The following CCDC146 variants were observed in gnomAD, a reference collection of about 807,000 sequenced individuals.
CCDC146 encodes the protein coiled-coil domain containing 146.
In CCDC146, 92 loss-of-function variants were observed where a neutral mutation model predicts 119.3. The observed-to-expected ratio is 0.77, with a 90% CI of 0.65 to 0.92. CCDC146 has a LOEUF of 0.92. Ranked by LOEUF, CCDC146 falls within the 40% of genes least tolerant of loss-of-function variation. CCDC146 has a pLI of 0.00. For synonymous variants in CCDC146, 372 were observed against 371.8 expected (o/e 1.00, Z -0.01); for missense variants, 1,000 against 1,103.0 (o/e 0.91, Z 1.32).
intron 17 of CCDC146, among the ~76,000 whole-genome samples, chr7:77,292,616 CAAA>C (rs61250624): frequency 0.24 from 21,204 of 89,874 alleles, 2,610 homozygotes; most frequent in African/African-American, 0.45. Flanking sequence ...GACTCAGTCT[CAAA>C]AAAAAAAAAA....
At chr7:77,216,849 CAT>C (rs1214044035) in intron 2 of CCDC146, among the ~76,000 whole-genome samples, 1 of 152,162 alleles carries the variant, frequency 6.6e-6, no homozygotes, top group Admixed American at 6.5e-5. Context: ...CCAAGGATAA[CAT>C]ATGCAGATAA....
At chr7:77,267,484 C>G (rs1039482032) in intron 9 of CCDC146, among the ~76,000 whole-genome samples, 3 of 151,544 alleles carry the variant, frequency 2.0e-5, no homozygotes, top group Admixed American at 6.6e-5. Context: ...AAGTAACATG[C>G]TTATGATGCT....
At chr7:77,289,095 G>A (rs947589012) in intron 17 of CCDC146, among the ~76,000 whole-genome samples, 1 of 143,416 alleles carries the variant, frequency 7.0e-6, no homozygotes, top group Non-Finnish European at 1.5e-5. Context: ...TGAGTCACAC[G>A]TCTGCCACTG....
rs569344238 is a variant in CCDC146, at chr7:77,196,568, C to T, written c.156+28744C>T. The T allele has an allele frequency of 1.2e-5, 20 of 1,614,116 alleles. No individual in the cohort carries two copies. The highest frequency in any genetic ancestry group is 3.3e-4 in the Middle Eastern group (2 of 6,062). ...ATCGTGGTTGTAATGTTTGTTGAAA[C>T]GTAATGCATCTCCAGCTGTGCCATT... On this transcript the variant is annotated intron_variant, in intron 2 of 18. Transcript: ENST00000285871. This position sits in a 1 kb window ranked among gnomAD's most constrained non-coding sequence, Gnocchi z 4.2.
Position 77,280,555 on chromosome 7 carries a change from T to C in CCDC146, c.1821T>C (p.Asn607=), listed in dbSNP as rs776451954. 11 of 1,613,926 alleles carry C rather than the reference T, an allele frequency of 6.8e-6. No homozygotes were observed. The Admixed American group carries it at 1.8e-4, about 27-fold the overall frequency. ...AAGAAAAGAAGGAAGCCCAGTTAAA[T>C]AACATTGACAGACTTGCCAACACGA... ...EMKEKKEAQL[N]NIDRLANTIT... Residue 607 remains asparagine (N), a synonymous_variant, in exon 14 of 19, where the codon AAT becomes AAC. Coordinates refer to ENST00000285871, the MANE Select transcript of CCDC146 (RefSeq NM_020879.3).
intron 3 of CCDC146, among the ~76,000 whole-genome samples, chr7:77,241,393 ATAGAGC>A (rs1792846262): frequency 1.3e-5 from 1 of 77,972 alleles, no homozygotes; most frequent in African/African-American, 3.1e-5. Context: ...CAGGTATTCT[ATAGAGC>A]ATTTCTCAGT....
chr7:77,140,695 A>G (rs1382253983), intron 1 of CCDC146, among the ~76,000 whole-genome samples: 3 of 152,160 alleles, frequency 2.0e-5, no homozygotes, highest in Admixed American at 6.5e-5. Context: ...GTCCTCTGAA[A>G]AGTATAAAAC....
chr7:77,178,219 A>G (rs1240138291), intron 2 of CCDC146, among the ~76,000 whole-genome samples: 69 of 152,128 alleles, frequency 4.5e-4, no homozygotes, highest in Non-Finnish European at 8.8e-5. Context: ...AAACATGGAG[A>G]TTGATTTTGG....
intron 17 of CCDC146, among the ~76,000 whole-genome samples, chr7:77,292,559 A>G (rs145403918): frequency 0.2 from 29,912 of 148,654 alleles, 3,164 homozygotes; most frequent in African/African-American, 0.24. Context: ...GGAGCTTGCA[A>G]TGAGCTGAGA....
At chr7:77,232,048 A>C (rs550821330) in intron 2 of CCDC146, among the ~76,000 whole-genome samples, 1 of 152,316 alleles carries the variant, frequency 6.6e-6, no homozygotes, top group East Asian at 1.9e-4. Context: ...GGCTGGACTA[A>C]TACTGTGAAG....
intron 1 of CCDC146, among the ~76,000 whole-genome samples, chr7:77,133,332 G>C (rs1185839228): frequency 6.6e-6 from 1 of 152,110 alleles, no homozygotes; most frequent in Non-Finnish European, 1.5e-5. Context: ...TTCCCTTTAA[G>C]ATTTGGAACA....
At chr7:77,289,591 T>A (rs1793907270) in intron 17 of CCDC146, among the ~76,000 whole-genome samples, 1 of 152,210 alleles carries the variant, frequency 6.6e-6, no homozygotes, top group Non-Finnish European at 1.5e-5. Context: ...ATCTGTGTAA[T>A]GGGTGTGATA....
chr7:77,256,639 A>G, intron 6 of CCDC146, 130 bp downstream of exon 6: 1 of 695,202 alleles, frequency 1.4e-6, no homozygotes, highest in Non-Finnish European at 2.4e-6. Flanking sequence ...CTGCATTGCG[A>G]TTGATCCTAT....
intron 2 of CCDC146, among the ~76,000 whole-genome samples, chr7:77,178,860 T>C (rs1791539573): frequency 2.0e-5 from 3 of 152,208 alleles, no homozygotes; most frequent in Non-Finnish European, 4.4e-5. Flanking sequence ...TCTTTAGTAA[T>C]GCAATCACTA....
At chr7:77,202,267 C>A (rs1472884316) in intron 2 of CCDC146, among the ~76,000 whole-genome samples, 1 of 152,220 alleles carries the variant, frequency 6.6e-6, no homozygotes, top group East Asian at 1.9e-4. Flanking sequence ...TAGAAAGGGG[C>A]ATTAAAGACC....
chr7:77,231,956 C>G (rs1792639040), intron 2 of CCDC146, among the ~76,000 whole-genome samples: 2 of 151,916 alleles, frequency 1.3e-5, no homozygotes, highest in Non-Finnish European at 2.9e-5. Flanking sequence ...TGTAACAACT[C>G]TGGATTCTGA....
intron 2 of CCDC146, among the ~76,000 whole-genome samples, chr7:77,232,113 C>T (rs1178641759): frequency 6.6e-6 from 1 of 152,074 alleles, no homozygotes; most frequent in African/African-American, 2.4e-5. Context: ...GATAGTTGTT[C>T]CTTGTTTTTT....
intron 11 of CCDC146, among the ~76,000 whole-genome samples, chr7:77,278,062 T>G (rs1793683321): frequency 6.6e-6 from 1 of 152,170 alleles, no homozygotes; most frequent in Non-Finnish European, 1.5e-5. Context: ...ACACCCCACA[T>G]ACAAAAGAAT....
intron 2 of CCDC146, among the ~76,000 whole-genome samples, chr7:77,204,256 G>C (rs571406572): frequency 6.6e-6 from 1 of 151,708 alleles, no homozygotes; most frequent in South Asian, 2.1e-4. Context: ...TTGAAATATC[G>C]ACAGTAAATA....
Sources: allele counts gnomAD v4.1 joint callset (sites outside exome capture counted in the v4.1 genomes callset), GRCh38; gene constraint gnomAD v4.1.1; non-coding constraint Gnocchi (gnomAD v3.1); transcripts MANE v1.5; gene names NCBI Gene and HGNC (gene_info 2026-07-23, HGNC 2026-07-21).